Variants in ACYP2 observed in about 807,000 individuals in gnomAD.
ACYP2 encodes the protein acylphosphatase-2.
In ACYP2, 12 loss-of-function variants were observed where a neutral mutation model predicts 11.2. The ratio of observed to expected loss-of-function variants is 1.08; its 90% CI spans 0.69 to 1.74. The LOEUF (loss-of-function observed/expected upper bound fraction) is 1.74. Among genes scored for constraint, ACYP2 ranks in the 40% most tolerant of loss-of-function variants. ACYP2 has a pLI of 0.00. For missense variants in ACYP2, 134 were observed against 101.9 expected, an observed-to-expected ratio of 1.31 and a Z score of -1.35; for synonymous variants, 43 against 32.2, an observed-to-expected ratio of 1.33 and a Z score of -1.13.
At chr2:53,973,596 T>A (rs1478729883) in intron 1 of ACYP2, 1 of 196,766 alleles carries the variant, frequency 5.1e-6, no homozygotes, top group Non-Finnish European at 1.0e-5. Flanking sequence ...CCCTTGAGAA[T>A]GTACTTTGTG....
At chr2:54,239,383 C>T (rs1044419121) in intron 6 of ACYP2, among the ~76,000 whole-genome samples, 2 of 152,124 alleles carry the variant, frequency 1.3e-5, no homozygotes, top group Non-Finnish European at 2.9e-5. Context: ...ACAAACTTAG[C>T]CAGCTTAAAA....
intron 6 of ACYP2, among the ~76,000 whole-genome samples, chr2:54,185,198 T>C (rs1233142808): frequency 6.6e-6 from 1 of 152,202 alleles, no homozygotes; most frequent in Non-Finnish European, 1.5e-5. Context: ...TCGTGATTGA[T>C]AAGAGAATGG....
intron 6 of ACYP2, among the ~76,000 whole-genome samples, chr2:54,214,926 T>C (rs1685495994): frequency 6.6e-6 from 1 of 152,200 alleles, no homozygotes; most frequent in Admixed American, 6.5e-5. Context: ...CTGATGTTTT[T>C]CAGCAGTGTT....
At chr2:54,274,501 TACGGTGGTGCACACCTGTGGTCC>T (rs1688458484) in intron 6 of ACYP2, among the ~76,000 whole-genome samples, 1 of 151,472 alleles carries the variant, frequency 6.6e-6, no homozygotes, top group African/African-American at 2.4e-5. Flanking sequence ...ATTAACCAGG[TACGGTGGTGCACACCTGTGGTCC>T]CAGCTAGTGG....
intron 6 of ACYP2, among the ~76,000 whole-genome samples, chr2:54,186,110 AAG>A (rs1173363416): frequency 2.6e-5 from 4 of 152,188 alleles, no homozygotes; most frequent in Admixed American, 6.5e-5. Flanking sequence ...ATTGAATATA[AAG>A]AGAGAACTTT....
intron 2 of ACYP2, among the ~76,000 whole-genome samples, chr2:54,038,754 A>G (rs552485125): frequency 2.9e-4 from 43 of 147,080 alleles, no homozygotes; most frequent in African/African-American, 8.7e-4. Flanking sequence ...AAAAGATGAA[A>G]AAACCCCCAC....
chr2:54,282,135 A>G (rs1688875944), intron 6 of ACYP2, among the ~76,000 whole-genome samples: 1 of 152,150 alleles, frequency 6.6e-6, no homozygotes, highest in African/African-American at 2.4e-5. Flanking sequence ...TTTTTGCCTC[A>G]AACATCTCAA....
At chr2:54,138,789 G>A (rs763036445) in intron 6 of ACYP2, 41 bp downstream of exon 3, 80 of 1,548,238 alleles carry the variant, frequency 5.2e-5, no homozygotes, top group Non-Finnish European at 5.8e-5. Context: ...AAATTTATGA[G>A]GCTGCTGTTT....
intron 6 of ACYP2, among the ~76,000 whole-genome samples, chr2:54,289,580 A>G (rs1689217113): frequency 6.6e-6 from 1 of 152,022 alleles, no homozygotes; most frequent in East Asian, 1.9e-4. Context: ...AACGTTTTTT[A>G]TGATCATCTC....
chr2:54,246,762 T>C (rs889291093), intron 6 of ACYP2, among the ~76,000 whole-genome samples: 4 of 152,198 alleles, frequency 2.6e-5, no homozygotes, highest in African/African-American at 9.6e-5. Context: ...CAAATGAGCA[T>C]CCTTCTTTGT....
chr2:54,294,689 G>T (rs541978266), intron 6 of ACYP2, among the ~76,000 whole-genome samples: 4 of 151,894 alleles, frequency 2.6e-5, no homozygotes, highest in Non-Finnish European at 4.4e-5. Context: ...GGTGTGAGAA[G>T]TGCTTAAGGC....
intron 4 of ACYP2, among the ~76,000 whole-genome samples, chr2:54,113,721 G>A (rs1371813599): frequency 6.6e-6 from 1 of 152,100 alleles, no homozygotes; most frequent in East Asian, 1.9e-4. Flanking sequence ...GGAGAAGGGG[G>A]AGGCATTCCA....
rs193159371 is a variant in ACYP2, at chr2:54,260,898, G to C, written c.405-43790G>C. ...GCAGGAGCTAAAAAACATGAGAAAT[G>C]AGAGGGAATGACATGACAGTAGCAA... On this transcript the variant is annotated intron_variant, in intron 6 of 6. Transcript: ENST00000607452. Among the ~76,000 whole-genome samples, 3 of 152,266 alleles carry C rather than the reference G, an allele frequency of 2.0e-5. No homozygotes were observed. The East Asian group carries it at 5.8e-4, about 29-fold the overall frequency.
At chr2:54,075,520 A>AAGG (rs554868660) in intron 4 of ACYP2, among the ~76,000 whole-genome samples, 37,016 of 143,170 alleles carry the variant, frequency 0.26, 5,212 homozygotes, top group South Asian at 0.48. Flanking sequence ...AAAAAGAAAG[A>AAGG]AAAAAAAAAA....
chr2:54,192,844 G>C (rs541807307), intron 6 of ACYP2, among the ~76,000 whole-genome samples: 1 of 152,210 alleles, frequency 6.6e-6, no homozygotes, highest in Admixed American at 6.5e-5. Context: ...GTACCAGCAG[G>C]GGAAATGCCA....
At chr2:54,260,203 A>G (rs1405480938) in intron 6 of ACYP2, among the ~76,000 whole-genome samples, 7 of 152,144 alleles carry the variant, frequency 4.6e-5, no homozygotes, top group African/African-American at 1.7e-4. Context: ...AGTGATAGTG[A>G]GATTTATGAA....
chr2:53,984,500 C>T (rs935057383), intron 2 of ACYP2, among the ~76,000 whole-genome samples: 8 of 150,806 alleles, frequency 5.3e-5, no homozygotes, highest in Non-Finnish European at 7.4e-5. Flanking sequence ...TCTCTTGAAC[C>T]GGGGGGGTGG....
intron 6 of ACYP2, among the ~76,000 whole-genome samples, chr2:54,161,518 C>T (rs558436513): frequency 2.0e-5 from 3 of 152,070 alleles, no homozygotes; most frequent in South Asian, 4.1e-4. Flanking sequence ...TCCATGAATG[C>T]CTTAAACACT....
chr2:54,102,638 C>CA (rs58842257), intron 4 of ACYP2, among the ~76,000 whole-genome samples: 883 of 83,238 alleles, frequency 0.011, 239 homozygotes, highest in Non-Finnish European at 0.015. Context: ...TGGCTTAAGC[C>CA]AAAAAAAAAA....
Sources: allele counts gnomAD v4.1 joint callset (sites outside exome capture counted in the v4.1 genomes callset), GRCh38; gene constraint gnomAD v4.1.1; transcripts MANE v1.5; gene names NCBI Gene and HGNC (gene_info 2026-07-23, HGNC 2026-07-21).